Variants in RARB observed in about 807,000 individuals in gnomAD.
RARB encodes retinoic acid receptor beta.
Under a neutral mutation model 51.9 loss-of-function variants are expected in RARB, and 17 were observed. The ratio of observed to expected loss-of-function variants is 0.33; its 90% confidence interval spans 0.22 to 0.49. The LOEUF is 0.49. Among genes scored for constraint, RARB ranks in the 20% least tolerant of loss-of-function variants. The probability of loss-of-function intolerance (pLI) is 0.99; values close to 1 mark genes in which losing one functional copy is unlikely to be tolerated. For missense variants in RARB, 369 were observed against 550.8 expected, an observed-to-expected ratio of 0.67 and a Z score of 3.30; for synonymous variants, 215 against 195.4, an observed-to-expected ratio of 1.10 and a Z score of -0.84.
intron 3 of RARB, chr3:25,555,632 C>T (rs1184869077): frequency 6.6e-6 from 1 of 152,172 alleles, no homozygotes; most frequent in Non-Finnish European, 1.5e-5. Flanking sequence ...TGACTGCACG[C>T]AGCCTAGGAT....
intron 3 of RARB, among the ~76,000 whole-genome samples, chr3:25,542,305 T>C (rs1401272148): frequency 6.6e-6 from 1 of 152,224 alleles, no homozygotes; most frequent in Non-Finnish European, 1.5e-5. Context: ...TTTTAAAAAA[T>C]GATTATGTGA....
chr3:25,259,994 T>C (rs1702957558), intron 5 of RARB: 1 of 985,272 alleles, frequency 1.0e-6, no homozygotes, highest in Non-Finnish European at 1.2e-6. Context: ...CCTTTTACTC[T>C]CCTCAGTTTG....
intron 1 of RARB, among the ~76,000 whole-genome samples, chr3:25,449,958 G>C (rs941916475): frequency 6.6e-6 from 1 of 151,628 alleles, no homozygotes; most frequent in African/African-American, 2.4e-5. Flanking sequence ...CACTACGTTG[G>C]CCAGGCTGGT....
intron 2 of RARB, among the ~76,000 whole-genome samples, chr3:25,465,283 A>G (rs1252824833): frequency 6.6e-6 from 1 of 152,098 alleles, no homozygotes; most frequent in African/African-American, 2.4e-5. Flanking sequence ...TTAATTTGAT[A>G]TTTACTATGG....
At chr3:24,832,723 G>A (rs1702299729) in intron 1 of RARB, among the ~76,000 whole-genome samples, 1 of 149,182 alleles carries the variant, frequency 6.7e-6, no homozygotes, top group African/African-American at 2.5e-5. Flanking sequence ...TAACATATGA[G>A]AAGTGTCCAC....
intron 3 of RARB, among the ~76,000 whole-genome samples, chr3:25,092,984 A>T (rs73141468): frequency 0.1 from 15,538 of 152,174 alleles, 1,948 homozygotes; most frequent in African/African-American, 0.29. Context: ...TGATATTCCA[A>T]TTGCCTTTCC....
At chr3:25,535,411 C>CT (rs3074714) in intron 3 of RARB, among the ~76,000 whole-genome samples, 11,107 of 138,174 alleles carry the variant, frequency 0.08, 568 homozygotes, top group Middle Eastern at 0.19. Flanking sequence ...GTCCTTATCT[C>CT]TTTTTTTTTT....
chr3:25,352,963 C>G (rs1480328659), intron 5 of RARB, among the ~76,000 whole-genome samples: 1 of 152,174 alleles, frequency 6.6e-6, no homozygotes, highest in Non-Finnish European at 1.5e-5. Flanking sequence ...ACTATCCTGC[C>G]TATTATGAAG....
At chr3:25,401,497 T>A (rs917521752) in intron 5 of RARB, among the ~76,000 whole-genome samples, 1 of 152,224 alleles carries the variant, frequency 6.6e-6, no homozygotes, top group Non-Finnish European at 1.5e-5. Context: ...GATATTATAA[T>A]CATCTTTAAA....
At chr3:25,120,213 T>C (rs190280080) in intron 3 of RARB, among the ~76,000 whole-genome samples, 15 of 152,204 alleles carry the variant, frequency 9.9e-5, no homozygotes, top group African/African-American at 3.6e-4. Flanking sequence ...GGCTGGCAGA[T>C]GAAAGACGAT....
chr3:24,970,146 G>T (rs561029779), intron 2 of RARB, among the ~76,000 whole-genome samples: 82 of 152,214 alleles, frequency 5.4e-4, no homozygotes, highest in Admixed American at 1.6e-3. Flanking sequence ...GGCTGTAGCT[G>T]TGTTTCAATT....
chr3:25,029,821 A>G (rs1697830698), intron 2 of RARB, among the ~76,000 whole-genome samples: 1 of 152,248 alleles, frequency 6.6e-6, no homozygotes, highest in African/African-American at 2.4e-5. Context: ...GGAAAAGGAA[A>G]TTAACATGGG....
intron 5 of RARB, chr3:25,259,006 A>G (rs1276550337): frequency 3.0e-6 from 3 of 984,352 alleles, no homozygotes; most frequent in African/African-American, 1.7e-5. Flanking sequence ...ACCATAGTAT[A>G]TGGTGTCTGA....
rs73149161 is a variant in RARB, at chr3:25,072,455, A to G, written c.-328+12279A>G. Among the ~76,000 whole-genome samples, 1,506 of 152,250 alleles carry G rather than the reference A, an allele frequency of 9.9e-3. 32 individuals carry two copies. Among genetic ancestry groups the G allele is most frequent in the African/African-American group, 0.034 (1,429 of 41,558 alleles). ...TCAAGATATAAAACAAGAAATGAGG[A>G]GCGATACCATTTGGGAGGAAAGATC... On this transcript the variant is annotated intron_variant, in intron 3 of 11. Transcript: ENST00000383772.
intron 2 of RARB, among the ~76,000 whole-genome samples, chr3:25,498,315 G>A (rs1233866559): frequency 6.6e-6 from 1 of 152,148 alleles, no homozygotes; most frequent in Non-Finnish European, 1.5e-5. Flanking sequence ...GTCTACAAGG[G>A]AGTGAGGTTT....
intron 5 of RARB, among the ~76,000 whole-genome samples, chr3:25,202,722 A>G (rs1326628046): frequency 1.3e-5 from 2 of 152,190 alleles, no homozygotes. Context: ...CAGGTTGTTC[A>G]GTTTCCATGT....
chr3:25,571,938 T>C (rs948750075), intron 4 of RARB, among the ~76,000 whole-genome samples: 1 of 152,194 alleles, frequency 6.6e-6, no homozygotes, highest in Non-Finnish European at 1.5e-5. Context: ...GCTGGGTGCA[T>C]CTGACAATAC....
intron 5 of RARB, among the ~76,000 whole-genome samples, chr3:25,201,016 T>G (rs1701376413): frequency 6.6e-6 from 1 of 152,228 alleles, no homozygotes; most frequent in South Asian, 2.1e-4. Context: ...GCATTGAATC[T>G]ATAAATTACC....
At chr3:24,894,515 T>C (rs1703442953) in intron 2 of RARB, among the ~76,000 whole-genome samples, 1 of 152,192 alleles carries the variant, frequency 6.6e-6, no homozygotes, top group African/African-American at 2.4e-5. Context: ...TAGTCCACTG[T>C]TGTTGGGTAC....
Sources: allele counts gnomAD v4.1 joint callset (sites outside exome capture counted in the v4.1 genomes callset), GRCh38; gene constraint gnomAD v4.1.1; transcripts MANE v1.5; gene names NCBI Gene and HGNC (gene_info 2026-07-23, HGNC 2026-07-21).